Variants in GLP2R observed in about 807,000 individuals in gnomAD.
GLP2R encodes the protein glucagon-like peptide 2 receptor.
Under a neutral mutation model 68.2 loss-of-function variants are expected in GLP2R, and 59 were observed. The observed-to-expected ratio is 0.87, with a 90% CI of 0.70 to 1.07. The LOEUF (loss-of-function observed/expected upper bound fraction) is 1.07, where lower values mean the gene tolerates loss of function less well. Among genes scored for constraint, GLP2R ranks in the 50% least tolerant of loss-of-function variants. The pLI is 0.00. For missense variants in GLP2R, 548 were observed against 677.4 expected, an observed-to-expected ratio of 0.81 and a Z score of 2.12; for synonymous variants, 270 against 265.4, an observed-to-expected ratio of 1.02 and a Z score of -0.17.
chr17:9,849,246 C>A (rs1160577636), intron 4 of GLP2R, among the ~76,000 whole-genome samples: 2 of 151,830 alleles, frequency 1.3e-5, no homozygotes, highest in African/African-American at 4.8e-5. Context: ...AATGTAATAA[C>A]ATTTTGCCAC....
chr17:9,836,673 T>C (rs1197845809), intron 3 of GLP2R, among the ~76,000 whole-genome samples, 198 bp downstream of exon 3: 1 of 152,038 alleles, frequency 6.6e-6, no homozygotes, highest in African/African-American at 2.4e-5. Context: ...ATAGTAGGTG[T>C]ATATATTTGT....
chr17:9,868,784 A>G (rs1029022552), intron 9 of GLP2R, among the ~76,000 whole-genome samples: 1 of 152,186 alleles, frequency 6.6e-6, no homozygotes, highest in African/African-American at 2.4e-5. Context: ...CATGCTTCCC[A>G]TTATAACCTT....
At chr17:9,839,178 CA>C (rs1341010285) in intron 3 of GLP2R, among the ~76,000 whole-genome samples, 2 of 152,114 alleles carry the variant, frequency 1.3e-5, no homozygotes, top group African/African-American at 4.8e-5. Context: ...AGCTATTGGA[CA>C]CAGGAATGGA....
chr17:9,862,431 G>A (rs141561473), intron 9 of GLP2R, among the ~76,000 whole-genome samples: 2,152 of 152,192 alleles, frequency 0.014, 58 homozygotes, highest in African/African-American at 0.049. Context: ...CAGGGGTATC[G>A]GCTTATATCC....
intron 10 of GLP2R, among the ~76,000 whole-genome samples, chr17:9,878,465 G>A (rs891741610): frequency 1.3e-5 from 2 of 152,206 alleles, no homozygotes; most frequent in African/African-American, 4.8e-5. Flanking sequence ...CCCTTGAAAT[G>A]TTCTCTCATT....
At chr17:9,878,794 T>C (rs4791902) in intron 10 of GLP2R, among the ~76,000 whole-genome samples, 112,905 of 152,114 alleles carry the variant, frequency 0.74, 43,348 homozygotes, top group East Asian at 0.97. Context: ...TAAGCTCTTG[T>C]TCTCGTACAG....
At chr17:9,864,321 G>C (rs1441839014) in intron 9 of GLP2R, among the ~76,000 whole-genome samples, 1 of 152,126 alleles carries the variant, frequency 6.6e-6, no homozygotes, top group Non-Finnish European at 1.5e-5. Context: ...ATTGGAACAA[G>C]CTCCCCAGGT....
chr17:9,844,668 CTTTTTTTTTTTTTTT>C (rs71139004), intron 4 of GLP2R, among the ~76,000 whole-genome samples: 7 of 44,274 alleles, frequency 1.6e-4, no homozygotes, highest in Admixed American at 3.5e-4. Context: ...CTACCTAATT[CTTTTTTTTTTTTTTT>C]TTTTTTTTTT....
intron 7 of GLP2R, 85 bp downstream of exon 7, chr17:9,860,186 C>G (rs1376079876): frequency 1.5e-6 from 2 of 1,304,122 alleles, no homozygotes; most frequent in Non-Finnish European, 2.1e-6. Context: ...GACTTAGAAA[C>G]CTAACTGGAG....
intron 11 of GLP2R, among the ~76,000 whole-genome samples, chr17:9,885,806 G>A (rs1204253520): frequency 1.3e-5 from 2 of 151,878 alleles, no homozygotes; most frequent in African/African-American, 4.8e-5. Flanking sequence ...ACTTTTTGAT[G>A]CGAAGAGCAG....
intron 10 of GLP2R, among the ~76,000 whole-genome samples, chr17:9,876,088 G>T (rs1026700961): frequency 6.6e-6 from 1 of 152,120 alleles, no homozygotes; most frequent in Non-Finnish European, 1.5e-5. Flanking sequence ...TGTTGGTCAG[G>T]CTGGTCTCCA....
chr17:9,844,166 A>C (rs1484030303), intron 4 of GLP2R, among the ~76,000 whole-genome samples: 1 of 152,186 alleles, frequency 6.6e-6, no homozygotes, highest in Non-Finnish European at 1.5e-5. Context: ...CAGGTGAGGT[A>C]GGGCCTGAGG....
At chr17:9,884,182 T>G (rs1387795959) in intron 11 of GLP2R, among the ~76,000 whole-genome samples, 2 of 152,192 alleles carry the variant, frequency 1.3e-5, no homozygotes. Context: ...TGTGTTAAGA[T>G]GCATGTTGTA....
Position 9,836,390 on chromosome 17 carries a change from A to G in GLP2R, c.297A>G (p.Thr99=). 6.2e-7 allele frequency: 1 copy of G among 1,609,274 alleles called. No homozygotes were observed. Among genetic ancestry groups the G allele is most frequent in the Non-Finnish European group, 8.5e-7 (1 of 1,175,602 alleles). ...KEPSGIFCNG[T]FDQYVCWPHS... ...CTGTAGGCATATTTTGTAACGGGAC[A>G]TTTGATCAGTACGTGTGTTGGCCTC... The change falls in exon 3 of 13, where the codon ACA becomes ACG. Residue 99 remains threonine, a synonymous_variant. Transcript: ENST00000262441.
chr17:9,835,764 G>A (rs1366670755), intron 2 of GLP2R, among the ~76,000 whole-genome samples: 1 of 151,954 alleles, frequency 6.6e-6, no homozygotes, highest in Non-Finnish European at 1.5e-5. Flanking sequence ...TCGGTGGCTG[G>A]GCATGGTGTC....
At chr17:9,848,523 C>T (rs1181575983) in intron 4 of GLP2R, among the ~76,000 whole-genome samples, 1 of 152,094 alleles carries the variant, frequency 6.6e-6, no homozygotes, top group Non-Finnish European at 1.5e-5. Flanking sequence ...CACAGTAGCA[C>T]CATCCCCAAG....
chr17:9,880,622 A>G, intron 11 of GLP2R, 106 bp downstream of exon 11: 1 of 726,608 alleles, frequency 1.4e-6, no homozygotes, highest in Non-Finnish European at 2.2e-6. Flanking sequence ...ATAGAATTGT[A>G]GCATCAGCAG....
At chr17:9,843,847 T>C (rs2066811149) in intron 4 of GLP2R, among the ~76,000 whole-genome samples, 1 of 152,234 alleles carries the variant, frequency 6.6e-6, no homozygotes, top group Middle Eastern at 3.4e-3. Context: ...ATACGATGGG[T>C]TAGGTTTTTG....
At chr17:9,852,979 A>G in intron 4 of GLP2R, 1 of 476,562 alleles carries the variant, frequency 2.1e-6, no homozygotes, top group South Asian at 2.0e-5. Context: ...GTCCACTAAT[A>G]GGCATCTGCT....
Sources: allele counts gnomAD v4.1 joint callset (sites outside exome capture counted in the v4.1 genomes callset), GRCh38; gene constraint gnomAD v4.1.1; transcripts MANE v1.5; gene names NCBI Gene and HGNC (gene_info 2026-07-23, HGNC 2026-07-21).